Variants in SYNE3 observed in about 807,000 individuals in gnomAD.
The protein encoded by SYNE3 is nesprin-3.
In SYNE3, 100 loss-of-function variants were observed where a neutral mutation model predicts 111.2. The observed-to-expected ratio is 0.90, with a 90% CI of 0.77 to 1.06. SYNE3 has a LOEUF of 1.06. Ranked by LOEUF, SYNE3 falls within the 50% of genes least tolerant of loss-of-function variation. The pLI, the probability that SYNE3 is intolerant of heterozygous loss-of-function variation, is 0.00. For missense variants in SYNE3, 1,160 were observed against 1,240.3 expected (o/e 0.94, Z 0.97); for synonymous variants, 547 against 533.9 (o/e 1.02, Z -0.34).
At chr14:95,432,013 A>G in intron 17 of SYNE3, 66 bp downstream of exon 17, 1 of 1,569,394 alleles carries the variant, frequency 6.4e-7, no homozygotes, top group Non-Finnish European at 8.7e-7. Flanking sequence ...CCCCAGTGTC[A>G]CGGGCCCACC....
intron 17 of SYNE3, among the ~76,000 whole-genome samples, chr14:95,420,227 C>T (rs1038949586): frequency 9.9e-5 from 15 of 152,128 alleles, no homozygotes; most frequent in Non-Finnish European, 8.8e-5. Flanking sequence ...ATTGTTTAAG[C>T]GGCTGAATGA....
At chr14:95,487,414 C>T (rs1005397435) in intron 1 of SYNE3, among the ~76,000 whole-genome samples, 3 of 152,200 alleles carry the variant, frequency 2.0e-5, no homozygotes, top group Non-Finnish European at 4.4e-5. Flanking sequence ...GGAGCCGGCA[C>T]TTCCACCGCG....
intron 1 of SYNE3, among the ~76,000 whole-genome samples, chr14:95,503,506 C>T (rs1322704418): frequency 6.6e-6 from 1 of 151,946 alleles, no homozygotes; most frequent in East Asian, 1.9e-4. Context: ...GTTTCCTCTG[C>T]TCTTAACCAC....
At chr14:95,515,352 C>T (rs1297787529) in intron 1 of SYNE3, among the ~76,000 whole-genome samples, 5 of 152,236 alleles carry the variant, frequency 3.3e-5, no homozygotes, top group Admixed American at 6.5e-5. Context: ...CAAAACAGCT[C>T]GTTGGCACTG....
chr14:95,476,328 T>C (rs1888888816), intron 1 of SYNE3, among the ~76,000 whole-genome samples: 1 of 152,128 alleles, frequency 6.6e-6, no homozygotes, highest in African/African-American at 2.4e-5. Context: ...CTGGGGATGG[T>C]CGTGTTAGGT....
At chr14:95,484,063 C>T (rs989058615) in intron 1 of SYNE3, among the ~76,000 whole-genome samples, 1 of 152,238 alleles carries the variant, frequency 6.6e-6, no homozygotes, top group African/African-American at 2.4e-5. Flanking sequence ...CATTTCCAGT[C>T]TCTCTTCAAT....
At chr14:95,438,141 A>G (rs1186473422) in intron 14 of SYNE3, 1 of 152,246 alleles carries the variant, frequency 6.6e-6, no homozygotes, top group African/African-American at 2.4e-5. Flanking sequence ...GCAGTGGCAC[A>G]ATCACAGCTC....
chr14:95,466,090 G>A lies in SYNE3; in HGVS notation c.468C>T (p.Ala156=), dbSNP rs1888151459. 6.2e-7 allele frequency: 1 copy of A among 1,613,160 alleles called. No individual in the cohort carries two copies. Among genetic ancestry groups the A allele is most frequent in the Non-Finnish European group, 8.5e-7 (1 of 1,179,334 alleles). The change falls in exon 4 of 18, where the codon GCC becomes GCT. Residue 156 remains alanine, a synonymous_variant. Transcript: ENST00000682763. Reference sequence around the variant, plus strand: ...TGTCCACGTTGTGCAGCAGCACCTGGGCGTGGCTCAGCTGCCACTGCTTCT... The same window carrying A: ...TGTCCACGTTGTGCAGCAGCACCTGAGCGTGGCTCAGCTGCCACTGCTTCT... ...LKEKQWQLSH[A]QVLLHNVDNQ...
intron 17 of SYNE3, among the ~76,000 whole-genome samples, chr14:95,431,544 T>G (rs1372234713): frequency 6.6e-6 from 1 of 152,204 alleles, no homozygotes; most frequent in Non-Finnish European, 1.5e-5. Context: ...TGTTATTGCT[T>G]CAGCCTGCAA....
At chr14:95,433,898 G>A (rs1024844786) in intron 15 of SYNE3, among the ~76,000 whole-genome samples, 38 of 152,086 alleles carry the variant, frequency 2.5e-4, no homozygotes, top group African/African-American at 7.2e-4. Flanking sequence ...CTATAAATCC[G>A]GGAGCCCAGT....
At chr14:95,449,285 G>T (rs552550498) in intron 8 of SYNE3, among the ~76,000 whole-genome samples, 1 of 137,840 alleles carries the variant, frequency 7.3e-6, no homozygotes, top group South Asian at 2.3e-4. Context: ...CCTTGCCGAT[G>T]ATTGGGCCAG....
rs781491729 is a variant in SYNE3, at chr14:95,417,865, G to A, written c.2889C>T (p.Phe963=). 8.7e-6 allele frequency: 14 copies of A among 1,614,260 alleles called. No individual in the cohort carries two copies. Among genetic ancestry groups the A allele is most frequent in the Non-Finnish European group, 1.1e-5 (13 of 1,180,050 alleles). ...GGCCATTGTAGCGCAGCATGAGCGT[G>A]AAGGAGCGGGCGAAGTTGTTGGCCA... ...CTLANNFARS[F]TLMLRYNGPP... is the part of the protein sequence containing the mutation. The change falls in exon 18 of 18, where the codon TTC becomes TTT. Residue 963 remains phenylalanine, a synonymous_variant. Transcript: ENST00000682763.
In SYNE3 at chr14:95,413,379, A is replaced by T. The variant is rs1384905110; in HGVS notation, c.*4447T>A. 1 of 152,452 alleles carries T rather than the reference A, an allele frequency of 6.6e-6. No individual in the cohort carries two copies. Among genetic ancestry groups the T allele is most frequent in the Non-Finnish European group, 1.5e-5 (1 of 68,302 alleles). 9.4% of individuals were successfully genotyped at this position (152,452 alleles called of 1,614,324 possible). ...CCCGTCCGCCCTCTCCAGCCAGACC[A>T]CCATAAAGTGCAGTTCCTCAAAGCT... is the stretch of plus-strand genomic sequence containing the variant. On this transcript the variant is annotated 3_prime_UTR_variant, in exon 18 of 18. Transcript: ENST00000682763.
At chr14:95,480,544 T>C (rs1055979427) in intron 1 of SYNE3, among the ~76,000 whole-genome samples, 13 of 152,022 alleles carry the variant, frequency 8.6e-5, no homozygotes, top group Non-Finnish European at 2.9e-5. Flanking sequence ...TCTGTGGGCA[T>C]GGCTGGAGAC....
In SYNE3 at chr14:95,470,765, C is replaced by T. The variant is rs55801811; in HGVS notation, c.145-2798G>A. 0.25 allele frequency among the ~76,000 whole-genome samples: 37,960 copies of T among 152,096 alleles called. 5,122 individuals carry two copies. The highest frequency in any genetic ancestry group is 0.31 in the Non-Finnish European group (20,991 of 67,984). ...ACGAGGTCAGGAGTTTGAGGCCATCCTGGCCAACATGGTGAAACACCGTCT... is the reference window on the plus strand; with the variant it reads ...ACGAGGTCAGGAGTTTGAGGCCATCTTGGCCAACATGGTGAAACACCGTCT... On this transcript the variant is annotated intron_variant, in intron 2 of 17. Transcript: ENST00000682763. The surrounding 1 kb of genome is among the most constrained non-coding windows in gnomAD (Gnocchi z 4.2).
At chr14:95,475,871 G>A in intron 1 of SYNE3, 36 bp from the exon 2 acceptor site, 1 of 1,415,572 alleles carries the variant, frequency 7.1e-7, no homozygotes, top group Non-Finnish European at 9.3e-7. Flanking sequence ...CAACAGGCAG[G>A]AATGTAGGGG....
At chr14:95,454,045 T>C (rs17092380) in intron 6 of SYNE3, among the ~76,000 whole-genome samples, 20,889 of 152,256 alleles carry the variant, frequency 0.14, 4,611 homozygotes, top group African/African-American at 0.47. Context: ...CTGGATAAGC[T>C]ACAAATCCAC....
At chr14:95,454,083 T>C (rs571013045) in intron 6 of SYNE3, among the ~76,000 whole-genome samples, 47 of 152,292 alleles carry the variant, frequency 3.1e-4, no homozygotes, top group African/African-American at 1.1e-3. Context: ...CTGCAAACAG[T>C]CTCCCTGAAA....
intron 8 of SYNE3, among the ~76,000 whole-genome samples, chr14:95,448,542 G>A (rs1192172958): frequency 6.6e-6 from 1 of 152,158 alleles, no homozygotes; most frequent in African/African-American, 2.4e-5. Flanking sequence ...CAAAAAATTA[G>A]CCAGGCATGG....
Sources: allele counts gnomAD v4.1 joint callset (sites outside exome capture counted in the v4.1 genomes callset), GRCh38; gene constraint gnomAD v4.1.1; non-coding constraint Gnocchi (gnomAD v3.1); transcripts MANE v1.5; gene names NCBI Gene and HGNC (gene_info 2026-07-23, HGNC 2026-07-21).